The following GBF1 variants were observed in gnomAD, a reference collection of about 807,000 sequenced individuals.
GBF1 encodes golgi brefeldin A resistant guanine nucleotide exchange factor 1, also known as Golgi-specific brefeldin A-resistance guanine nucleotide exchange factor 1.
In GBF1, 114 loss-of-function variants were observed where a neutral mutation model predicts 210.5. The observed-to-expected ratio is 0.54, with a 90% CI of 0.47 to 0.63. The LOEUF (loss-of-function observed/expected upper bound fraction) is 0.63. GBF1 is among the 30% of genes least tolerant of loss of function. The probability of loss-of-function intolerance (pLI) is 0.00; values close to 1 mark genes in which losing one functional copy is unlikely to be tolerated. For synonymous variants in GBF1, 850 were observed against 889.2 expected, an observed-to-expected ratio of 0.96 and a Z score of 0.78; for missense variants, 1,851 against 2,357.7, an observed-to-expected ratio of 0.79 and a Z score of 4.45.
At chr10:102,346,514 G>A (rs933795205) in intron 4 of GBF1, among the ~76,000 whole-genome samples, 2 of 152,096 alleles carry the variant, frequency 1.3e-5, no homozygotes, top group African/African-American at 4.8e-5. Context: ...ATGATATTTT[G>A]TTTTTATTTT....
intron 3 of GBF1, among the ~76,000 whole-genome samples, chr10:102,296,745 A>C (rs1365302733): frequency 2.0e-5 from 3 of 150,318 alleles, no homozygotes; most frequent in Non-Finnish European, 3.0e-5. Flanking sequence ...TGTCTCAAAA[A>C]AAAAAAAAAG....
rs1178905665 is a variant in GBF1 at position 102,366,065 on chromosome 10, T to C, written c.2310-318T>C. On this transcript the variant is annotated intron_variant, in intron 18 of 39. Transcript: ENST00000369983. This position sits in a 1 kb window ranked among gnomAD's most constrained non-coding sequence, Gnocchi z 4.0. Reference sequence around the variant, plus strand: ...GAGACCCTAGCCAATGTTCTTCCTCTACCCATCATTTATATCTATTGGACC... The same window carrying C: ...GAGACCCTAGCCAATGTTCTTCCTCCACCCATCATTTATATCTATTGGACC... 6.6e-6 allele frequency among the ~76,000 whole-genome samples: 1 copy of C among 152,210 alleles called. No homozygotes were observed. Among genetic ancestry groups the C allele is most frequent in the African/African-American group, 2.4e-5 (1 of 41,448 alleles).
chr10:102,299,150 A>G (rs960133323), intron 3 of GBF1, among the ~76,000 whole-genome samples: 1 of 152,336 alleles, frequency 6.6e-6, no homozygotes, highest in South Asian at 2.1e-4. Context: ...TAAAATGAGG[A>G]TGGTATGGAA....
At chr10:102,295,129 A>G (rs895786352) in intron 3 of GBF1, among the ~76,000 whole-genome samples, 1 of 152,192 alleles carries the variant, frequency 6.6e-6, no homozygotes, top group Non-Finnish European at 1.5e-5. Context: ...TTTCAGATTA[A>G]AGGATAGAGC....
rs1295647118 is a variant in GBF1 at position 102,376,625 on chromosome 10, C to A, written c.4113C>A (p.Ile1371=). The A allele has an allele frequency of 6.2e-7, 1 of 1,613,758 alleles. No individual in the cohort carries two copies. Among genetic ancestry groups the A allele is most frequent in the South Asian group, 1.1e-5 (1 of 91,058 alleles). Reference sequence around the variant, plus strand: ...GCCGCCCAGGCCCTTCACCCCTGATCAATCAATACAGCCTAACAGTGGGAC... The same window carrying A: ...GCCGCCCAGGCCCTTCACCCCTGATAAATCAATACAGCCTAACAGTGGGAC... ...GPSRPGPSPL[I]NQYSLTVGLD... Residue 1371 remains isoleucine (I), a synonymous_variant, in exon 32 of 40, where the codon ATC becomes ATA. Coordinates refer to ENST00000369983, the MANE Select transcript of GBF1 (RefSeq NM_001377137.1).
At chr10:102,361,322 C>T in intron 13 of GBF1, 2 of 572,306 alleles carry the variant, frequency 3.5e-6, no homozygotes, top group Non-Finnish European at 6.3e-6. Context: ...AACTGGCTGA[C>T]CCCAAATATG....
At chr10:102,340,475 G>A (rs1001779497) in intron 3 of GBF1, among the ~76,000 whole-genome samples, 3 of 150,970 alleles carry the variant, frequency 2.0e-5, no homozygotes, top group South Asian at 2.1e-4. Context: ...GGGTTTCACC[G>A]TGTTAGCCAG....
At chr10:102,285,609 C>T (rs2075867633) in intron 3 of GBF1, among the ~76,000 whole-genome samples, 1 of 152,124 alleles carries the variant, frequency 6.6e-6, no homozygotes, top group South Asian at 2.1e-4. Flanking sequence ...TCAGTTTCTA[C>T]TTCTTGCATC....
At chr10:102,322,845 A>G (rs1375767469) in intron 3 of GBF1, among the ~76,000 whole-genome samples, 1 of 152,044 alleles carries the variant, frequency 6.6e-6, no homozygotes, top group African/African-American at 2.4e-5. Flanking sequence ...TGAACCCAGG[A>G]AGCAGAGGTT....
chr10:102,270,035 T>C (rs772019), intron 3 of GBF1, among the ~76,000 whole-genome samples: 50,112 of 150,570 alleles, frequency 0.33, 8,844 homozygotes, highest in South Asian at 0.49. Flanking sequence ...GCCGCCACCA[T>C]GCCCGGCTAA....
At chr10:102,282,093 ATT>A (rs58472334) in intron 3 of GBF1, among the ~76,000 whole-genome samples, 48,145 of 143,458 alleles carry the variant, frequency 0.34, 8,398 homozygotes, top group South Asian at 0.49. Context: ...CACCCGGCTA[ATT>A]TTTTTTTTTT....
upstream of GBF1, chr10:102,241,563 C>T (rs1160782475): frequency 2.0e-5 from 3 of 152,470 alleles, no homozygotes; most frequent in Non-Finnish European, 2.9e-5. The surrounding 1 kb of genome is among the most constrained non-coding windows in gnomAD (Gnocchi z 6.7). Flanking sequence ...CGCCCCCAGC[C>T]CGCCGCGGCG....
chr10:102,272,259 C>T (rs1203521647), intron 3 of GBF1, among the ~76,000 whole-genome samples: 5 of 152,258 alleles, frequency 3.3e-5, no homozygotes, highest in East Asian at 1.9e-4. Flanking sequence ...CACCCACCAC[C>T]GCACATGGCT....
intron 3 of GBF1, among the ~76,000 whole-genome samples, chr10:102,263,765 G>A (rs1056690424): frequency 1.3e-5 from 2 of 152,132 alleles, no homozygotes; most frequent in Admixed American, 1.3e-4. Context: ...AAGGTCTATA[G>A]CATTTAGAGT....
intron 3 of GBF1, among the ~76,000 whole-genome samples, chr10:102,272,878 A>T (rs1189431739): frequency 6.6e-6 from 1 of 152,110 alleles, no homozygotes; most frequent in Admixed American, 6.5e-5. Flanking sequence ...TTAATTACAG[A>T]TATGTTTTTT....
At chr10:102,370,122 C>G in intron 26 of GBF1, 52 bp from the exon 27 acceptor site, 2 of 1,515,904 alleles carry the variant, frequency 1.3e-6, no homozygotes, top group South Asian at 2.2e-5. Flanking sequence ...TGGGGACATT[C>G]TGTTCTCTTC....
the GBF1 span, among the ~76,000 whole-genome samples, chr10:102,239,759 C>A: frequency 3.3e-5 from 5 of 152,352 alleles, no homozygotes; most frequent in Admixed American, 1.3e-4. Context: ...ACTCGTTCTC[C>A]CTGTTCTGTC....
chr10:102,370,896 G>GC (rs1390954853), intron 29 of GBF1, 36 bp downstream of exon 29: 1 of 1,600,060 alleles, frequency 6.2e-7, no homozygotes, highest in Non-Finnish European at 8.6e-7. Flanking sequence ...GGGCAGGTAT[G>GC]CAAGGGATTA....
At chr10:102,259,127 T>C in intron 2 of GBF1, 93 bp downstream of exon 2, 2 of 752,328 alleles carry the variant, frequency 2.7e-6, no homozygotes, top group Middle Eastern at 2.3e-4. Context: ...CTAGTAATAA[T>C]GAGAATAGTA....
Sources: gnomAD v4.1 joint callset for allele counts (sites outside exome capture counted in the v4.1 genomes callset) on GRCh38, gnomAD v4.1.1 for gene constraint, Gnocchi (gnomAD v3.1) non-coding constraint, MANE v1.5 for transcripts, NCBI Gene and HGNC (gene_info 2026-07-23, HGNC 2026-07-21) for gene names.